The following KCNIP1 variants were observed in gnomAD, a reference collection of about 807,000 sequenced individuals.
The protein encoded by KCNIP1 is A-type potassium channel modulatory protein KCNIP1.
In KCNIP1, 18 loss-of-function variants were observed where a neutral mutation model predicts 33.0. That is an observed-to-expected ratio of 0.55 (90% CI 0.38 to 0.81). KCNIP1 has a LOEUF of 0.81. Ranked by LOEUF, KCNIP1 falls within the 30% of genes least tolerant of loss-of-function variation. The pLI, the probability that KCNIP1 is intolerant of heterozygous loss-of-function variation, is 0.00. For missense variants in KCNIP1, 238 were observed against 271.6 expected, an observed-to-expected ratio of 0.88 and a Z score of 0.87; for synonymous variants, 93 against 98.3, an observed-to-expected ratio of 0.95 and a Z score of 0.32.
At chr5:170,624,512 T>G (rs1013971689) in intron 1 of KCNIP1, among the ~76,000 whole-genome samples, 2 of 152,054 alleles carry the variant, frequency 1.3e-5, no homozygotes, top group African/African-American at 4.8e-5. Context: ...TTACAACATC[T>G]CTGGCTATTC....
At chr5:170,713,012 G>T in intron 1 of KCNIP1, 1 of 790,028 alleles carries the variant, frequency 1.3e-6, no homozygotes, top group Non-Finnish European at 2.2e-6. Context: ...TTGTTAACAA[G>T]CCCCACATAT....
intron 1 of KCNIP1, among the ~76,000 whole-genome samples, chr5:170,569,147 T>C (rs1321170303): frequency 6.6e-6 from 1 of 152,222 alleles, no homozygotes; most frequent in Non-Finnish European, 1.5e-5. Flanking sequence ...CCTGGGGTGA[T>C]CTCAGAAAGG....
intron 1 of KCNIP1, among the ~76,000 whole-genome samples, chr5:170,513,878 C>G (rs1755028553): frequency 6.6e-6 from 1 of 152,176 alleles, no homozygotes. Context: ...TAGGACCTCT[C>G]TGTTGGTGGG....
At chr5:170,609,631 A>G (rs1366008169) in intron 1 of KCNIP1, among the ~76,000 whole-genome samples, 1 of 152,208 alleles carries the variant, frequency 6.6e-6, no homozygotes, top group Non-Finnish European at 1.5e-5. Flanking sequence ...ACTTGAGGCC[A>G]GGAGTTCAAG....
intron 1 of KCNIP1, among the ~76,000 whole-genome samples, chr5:170,407,542 G>T (rs1318919010): frequency 6.6e-6 from 1 of 152,178 alleles, no homozygotes; most frequent in Non-Finnish European, 1.5e-5. Context: ...TGTGACTGTT[G>T]AATATTTTTT....
At chr5:170,451,404 T>C (rs1478149942) in intron 1 of KCNIP1, among the ~76,000 whole-genome samples, 1 of 151,992 alleles carries the variant, frequency 6.6e-6, no homozygotes, top group Non-Finnish European at 1.5e-5. Flanking sequence ...CAAGCCCCCA[T>C]CCTTTTGTAA....
intron 1 of KCNIP1, among the ~76,000 whole-genome samples, chr5:170,686,090 T>C (rs1056840537): frequency 6.6e-6 from 1 of 152,154 alleles, no homozygotes; most frequent in Non-Finnish European, 1.5e-5. Flanking sequence ...CAAAGTACTA[T>C]CAGGATACTA....
At chr5:170,441,017 G>A (rs538520766) in intron 1 of KCNIP1, among the ~76,000 whole-genome samples, 10 of 152,162 alleles carry the variant, frequency 6.6e-5, no homozygotes, top group South Asian at 2.1e-4. Context: ...TCGGTCTGCC[G>A]TCGCCCTTTG....
intron 1 of KCNIP1, among the ~76,000 whole-genome samples, chr5:170,413,633 C>T (rs1755253079): frequency 6.6e-6 from 1 of 152,176 alleles, no homozygotes; most frequent in Non-Finnish European, 1.5e-5. Context: ...AGCTGCAAAG[C>T]ATCACACATT....
chr5:170,663,982 CACACTCCAA>C (rs1263003017), intron 1 of KCNIP1, among the ~76,000 whole-genome samples: 1 of 152,138 alleles, frequency 6.6e-6, no homozygotes, highest in Non-Finnish European at 1.5e-5. Flanking sequence ...ATCCTGTCCA[CACACTCCAA>C]ACAAAGTCAT....
chr5:170,625,302 T>C (rs6555906), intron 1 of KCNIP1, among the ~76,000 whole-genome samples: 71,987 of 151,608 alleles, frequency 0.47, 17,630 homozygotes, highest in East Asian at 0.67. Flanking sequence ...CTCCTGGATT[T>C]TCCAGTCTCT....
At chr5:170,454,777 A>T (rs979143943) in intron 1 of KCNIP1, among the ~76,000 whole-genome samples, 1 of 152,228 alleles carries the variant, frequency 6.6e-6, no homozygotes, top group Non-Finnish European at 1.5e-5. Flanking sequence ...CTGTGTAAAC[A>T]TAAAGAACTA....
intron 1 of KCNIP1, among the ~76,000 whole-genome samples, chr5:170,432,733 G>A (rs1038689072): frequency 2.0e-5 from 3 of 149,068 alleles, no homozygotes; most frequent in African/African-American, 7.4e-5. Context: ...CCTTGAACCG[G>A]GCTCTTTCCC....
intron 1 of KCNIP1, among the ~76,000 whole-genome samples, chr5:170,387,310 C>G (rs1264789870): frequency 6.6e-6 from 1 of 152,108 alleles, no homozygotes; most frequent in African/African-American, 2.4e-5. Flanking sequence ...GGGTGACAGG[C>G]CTTAGTCCAA....
intron 1 of KCNIP1, among the ~76,000 whole-genome samples, chr5:170,482,494 C>T (rs1338989288): frequency 1.3e-5 from 2 of 152,136 alleles, no homozygotes; most frequent in Non-Finnish European, 2.9e-5. Context: ...TGATTTGCTT[C>T]ATTTTACTTT....
intron 1 of KCNIP1, chr5:170,378,400 G>A (rs1764092050): frequency 9.4e-6 from 3 of 320,790 alleles, no homozygotes; most frequent in Non-Finnish European, 1.1e-5. Context: ...GTTCTCTGTG[G>A]GGCACATAGT....
chr5:170,378,932 G>A (rs1484653727), intron 1 of KCNIP1: 11 of 1,614,034 alleles, frequency 6.8e-6, no homozygotes, highest in Non-Finnish European at 8.5e-6. Context: ...CGTCGGCCCG[G>A]GCCGTCTGGT....
At chr5:170,704,939 C>T (rs1298602382) in intron 1 of KCNIP1, among the ~76,000 whole-genome samples, 2 of 152,242 alleles carry the variant, frequency 1.3e-5, no homozygotes, top group Non-Finnish European at 2.9e-5. Context: ...ATGATGGTTT[C>T]ATTTTACATT....
chr5:170,598,920 T>TGTG (rs1758577293), intron 1 of KCNIP1, among the ~76,000 whole-genome samples: 2 of 150,082 alleles, frequency 1.3e-5, no homozygotes, highest in Admixed American at 1.4e-4. Context: ...TGTGTGTGTG[T>TGTG]GTGTGTGTGT....
Sources: allele counts gnomAD v4.1 joint callset (sites outside exome capture counted in the v4.1 genomes callset), GRCh38; gene constraint gnomAD v4.1.1; transcripts MANE v1.5; gene names NCBI Gene and HGNC (gene_info 2026-07-23, HGNC 2026-07-21).